NME9: variants seen among roughly 807,000 people sequenced by gnomAD.
NME9 encodes the protein NME/NM23 family member 9.
In NME9, 48 loss-of-function variants were observed where a neutral mutation model predicts 44.4. The observed-to-expected ratio is 1.08, with a 90% CI of 0.86 to 1.37. The LOEUF (loss-of-function observed/expected upper bound fraction) is 1.37, where lower values mean the gene tolerates loss of function less well. Ranked by LOEUF, NME9 falls within the 40% of genes most tolerant of loss-of-function variation. The pLI is 0.00. For synonymous variants in NME9, 139 were observed against 147.1 expected (o/e 0.94, Z 0.40); for missense variants, 325 against 405.2 (o/e 0.80, Z 1.70).
In NME9 at chr3:138,301,177, G is replaced by GTA; in HGVS notation, c.*461_*462dup. On this transcript the variant is annotated 3_prime_UTR_variant, in exon 11 of 11. Transcript: ENST00000333911. ...ACATACTGTTTAATAAGGCAGAAAA[G>GTA]TATATACTATTCTCTTTCTTTACTT... 1.1e-6 allele frequency: 1 copy of GTA among 891,692 alleles called. No homozygotes were observed. Among genetic ancestry groups the GTA allele is most frequent in the Non-Finnish European group, 1.3e-6 (1 of 744,784 alleles). 55.2% of individuals were successfully genotyped at this position (891,692 alleles called of 1,614,324 possible).
At chr3:138,321,936 A>G (rs1052489762) in intron 2 of NME9, among the ~76,000 whole-genome samples, 8 of 151,864 alleles carry the variant, frequency 5.3e-5, no homozygotes, top group African/African-American at 1.5e-4. Context: ...ATCAAAGACA[A>G]GTGATCACAA....
At chr3:138,317,251 A>T (rs933046240) in intron 4 of NME9, among the ~76,000 whole-genome samples, 8 of 152,202 alleles carry the variant, frequency 5.3e-5, no homozygotes, top group Admixed American at 3.9e-4. Context: ...TAAAATCCAA[A>T]GCTCAAATAA....
chr3:138,303,897 G>A (rs755911913), intron 9 of NME9, among the ~76,000 whole-genome samples: 42 of 152,130 alleles, frequency 2.8e-4, no homozygotes, highest in Non-Finnish European at 5.4e-4. Flanking sequence ...AGCTCTATGA[G>A]GGAGTCTACT....
chr3:138,308,524 G>A (rs2052444473), intron 6 of NME9, among the ~76,000 whole-genome samples: 1 of 152,156 alleles, frequency 6.6e-6, no homozygotes, highest in Admixed American at 6.5e-5. Context: ...GGGGAACACA[G>A]GAAAGAGGTT....
Position 138,274,669 on chromosome 3 carries a change from T to C in NME9, c.746-12083A>G, listed in dbSNP as rs555982678. ...GCTGAGATGGGAGATGCTCTAGAAA[T>C]AGGAAGAAATATCTTCCACCATCCC... On this transcript the variant is annotated intron_variant, in intron 8 of 8. Coordinates refer to the NME9 transcript ENST00000317876. The C allele has an allele frequency of 1.9e-5, 13 of 669,314 alleles. No homozygotes were observed. In the South Asian group the frequency reaches 2.1e-4, roughly 11 times the overall value. 41.5% of individuals were successfully genotyped at this position (669,314 alleles called of 1,614,324 possible).
chr3:138,284,232 T>C (rs2050193256), intron 8 of NME9, among the ~76,000 whole-genome samples: 1 of 152,230 alleles, frequency 6.6e-6, no homozygotes, highest in African/African-American at 2.4e-5. Context: ...GTTGGGGTTC[T>C]CTTTTGCCTA....
chr3:138,292,945 A>G (rs943008106), intron 8 of NME9, among the ~76,000 whole-genome samples: 5 of 152,170 alleles, frequency 3.3e-5, no homozygotes, highest in African/African-American at 1.2e-4. Context: ...AAACAAAGGA[A>G]AAAGATGCCT....
chr3:138,270,165 C>G (rs758238008), intron 8 of NME9: 10 of 1,415,572 alleles, frequency 7.1e-6, no homozygotes, highest in Non-Finnish European at 1.0e-6. Context: ...TCATAACTTA[C>G]AAAAGGAATA....
chr3:138,277,660 G>A lies in NME9; in HGVS notation c.746-15074C>T, dbSNP rs564449211. 6.6e-5 allele frequency among the ~76,000 whole-genome samples: 10 copies of A among 152,300 alleles called. No individual in the cohort carries two copies. The South Asian group carries it at 1.9e-3, about 28-fold the overall frequency. ...AAAATTTTTTTAAAACAGTACAGTTGCTAGCAAGGATGCAGAGCATCTAGT... is the reference window on the plus strand; with the variant it reads ...AAAATTTTTTTAAAACAGTACAGTTACTAGCAAGGATGCAGAGCATCTAGT... On this transcript the variant is annotated intron_variant, in intron 8 of 8. Transcript: ENST00000317876.
chr3:138,262,629 C>T (rs749823529), intron 8 of NME9: 4 of 1,536,364 alleles, frequency 2.6e-6, no homozygotes, highest in African/African-American at 1.4e-5. Context: ...GTGCCTAGCC[C>T]TGACCCTGGA....
chr3:138,289,824 C>A (rs78401414), intron 8 of NME9, among the ~76,000 whole-genome samples: 3 of 151,988 alleles, frequency 2.0e-5, no homozygotes, highest in Non-Finnish European at 2.9e-5. Context: ...ATTTCTGGGC[C>A]CCATCCCTAG....
At position 138,263,816 on chromosome 3, in the gene NME9, C is replaced by T. The variant is rs768260322; in HGVS notation, c.746-1230G>A. On this transcript the variant is annotated intron_variant, in intron 8 of 8. Coordinates refer to the NME9 transcript ENST00000317876. Reference sequence around the variant, plus strand: ...CTAGTGTCAAGGTGCGGTTAGCTGCCGTCAGGTATGAGCTTTAAATGGTCT... The same window carrying T: ...CTAGTGTCAAGGTGCGGTTAGCTGCTGTCAGGTATGAGCTTTAAATGGTCT... 63 of 1,613,654 alleles carry T rather than the reference C, an allele frequency of 3.9e-5. 1 individual carries two copies. In the Middle Eastern group the frequency reaches 4.9e-4, roughly 13 times the overall value.
At chr3:138,291,075 CTCA>C (rs1189436181) in intron 8 of NME9, among the ~76,000 whole-genome samples, 2 of 152,248 alleles carry the variant, frequency 1.3e-5, no homozygotes, top group Non-Finnish European at 2.9e-5. Flanking sequence ...CCTCAAAGAG[CTCA>C]TCATTTCCTG....
At chr3:138,292,692 A>G (rs2051083493) in intron 8 of NME9, among the ~76,000 whole-genome samples, 1 of 152,222 alleles carries the variant, frequency 6.6e-6, no homozygotes, top group Non-Finnish European at 1.5e-5. Context: ...TGGGTATGCC[A>G]GCGTTAAGAT....
intron 8 of NME9, chr3:138,263,844 A>G (rs769516234): frequency 1.9e-6 from 3 of 1,604,996 alleles, no homozygotes; most frequent in Admixed American, 3.3e-5. Context: ...AATGGTCTGA[A>G]TAAAAACCTT....
chr3:138,298,788 C>T (rs184160356), downstream of NME9, among the ~76,000 whole-genome samples: 380 of 152,350 alleles, frequency 2.5e-3, no homozygotes, highest in Admixed American at 4.4e-3. Flanking sequence ...TCGTCTACTA[C>T]GCACTGCCAC....
At chr3:138,300,498 C>T (rs1047496349), downstream of NME9, among the ~76,000 whole-genome samples, 1 of 152,206 alleles carries the variant, frequency 6.6e-6, no homozygotes, top group African/African-American at 2.4e-5. Flanking sequence ...AGTATGCCGG[C>T]ACTTGGCAAA....
chr3:138,318,116 T>G, intron 4 of NME9, 32 bp downstream of exon 4: 1 of 1,330,598 alleles, frequency 7.5e-7, no homozygotes, highest in Non-Finnish European at 1.1e-6. Context: ...TTTGCAATCG[T>G]CAAATAGTTC....
intron 2 of NME9, among the ~76,000 whole-genome samples, chr3:138,320,356 A>C (rs1370616447): frequency 3.3e-5 from 5 of 152,182 alleles, no homozygotes; most frequent in Admixed American, 2.6e-4. Flanking sequence ...TAGAAGAGGG[A>C]TATCTGCCAA....
Sources: gnomAD v4.1 joint callset for allele counts (sites outside exome capture counted in the v4.1 genomes callset) on GRCh38, gnomAD v4.1.1 for gene constraint, MANE v1.5 for transcripts, NCBI Gene and HGNC (gene_info 2026-07-23, HGNC 2026-07-21) for gene names.